Variants in LAMA2 observed in about 807,000 individuals in gnomAD.
LAMA2 encodes the protein laminin subunit alpha 2.
Under a neutral mutation model 364.8 loss-of-function variants are expected in LAMA2, and 269 were observed. That is an observed-to-expected ratio of 0.74 (90% CI 0.67 to 0.82). The LOEUF (loss-of-function observed/expected upper bound fraction) is 0.82. Among genes scored for constraint, LAMA2 ranks in the 40% least tolerant of loss-of-function variants. The pLI is 0.00. For missense variants in LAMA2, 3,807 were observed against 3,873.2 expected (o/e 0.98, Z 0.45); for synonymous variants, 1,379 against 1,370.6 (o/e 1.01, Z -0.14).
intron 10 of LAMA2, among the ~76,000 whole-genome samples, chr6:129,183,914 G>A (rs1781078197): frequency 6.6e-6 from 1 of 151,846 alleles, no homozygotes; most frequent in South Asian, 2.1e-4. Flanking sequence ...AAGAAGGAAG[G>A]AAGAGAACTA....
intron 59 of LAMA2, 142 bp downstream of exon 59, chr6:129,502,913 T>C: frequency 1.1e-6 from 1 of 871,392 alleles, no homozygotes; most frequent in South Asian, 1.4e-5. Context: ...GAGAATAGAA[T>C]TTTATTTGTC....
At chr6:129,197,409 C>A (rs1781914992) in intron 12 of LAMA2, among the ~76,000 whole-genome samples, 1 of 152,192 alleles carries the variant, frequency 6.6e-6, no homozygotes, top group African/African-American at 2.4e-5. Flanking sequence ...TTCAACTGTT[C>A]AGGCAGAATT....
intron 12 of LAMA2, among the ~76,000 whole-genome samples, chr6:129,197,729 A>C (rs961202602): frequency 6.6e-6 from 1 of 152,198 alleles, no homozygotes; most frequent in Non-Finnish European, 1.5e-5. Flanking sequence ...CAAATTGTTA[A>C]GGATAAATGA....
chr6:129,500,124 A>G (rs578056935), intron 58 of LAMA2, among the ~76,000 whole-genome samples: 1 of 152,186 alleles, frequency 6.6e-6, no homozygotes, highest in East Asian at 1.9e-4. Flanking sequence ...CCTTTAACCA[A>G]GCAAGGGGGA....
At chr6:129,275,810 C>T (rs1788281980) in intron 17 of LAMA2, among the ~76,000 whole-genome samples, 1 of 150,700 alleles carries the variant, frequency 6.6e-6, no homozygotes, top group Admixed American at 6.6e-5. Context: ...CATACTTTTT[C>T]AGTATAAAAG....
intron 3 of LAMA2, among the ~76,000 whole-genome samples, chr6:129,096,150 C>T (rs548104497): frequency 3.3e-5 from 5 of 152,230 alleles, no homozygotes; most frequent in South Asian, 2.1e-4. Flanking sequence ...AGACATTCTA[C>T]GTGATGAGTT....
intron 30 of LAMA2, among the ~76,000 whole-genome samples, chr6:129,348,455 A>T (rs912622197): frequency 3.9e-5 from 6 of 152,162 alleles, no homozygotes; most frequent in Non-Finnish European, 2.9e-5. Flanking sequence ...TTTCCAATGC[A>T]TCATTCAGTT....
At chr6:129,280,605 A>G (rs1788651464) in intron 18 of LAMA2, among the ~76,000 whole-genome samples, 2 of 152,316 alleles carry the variant, frequency 1.3e-5, no homozygotes, top group East Asian at 3.9e-4. Context: ...AATGTAATTT[A>G]TTATCATGAT....
At chr6:129,271,236 CCCTTCTTTTTAGAAAAATTCGTTGTTCA>C (rs1306373764) in intron 17 of LAMA2, among the ~76,000 whole-genome samples, 1 of 152,034 alleles carries the variant, frequency 6.6e-6, no homozygotes, top group Non-Finnish European at 1.5e-5. Flanking sequence ...CCCATTCTAT[CCCTTCTTTTTAGAAAAATTCGTTGTTCA>C]CCTAGAACAA....
intron 51 of LAMA2, among the ~76,000 whole-genome samples, chr6:129,471,947 A>T (rs1392116184): frequency 1.3e-5 from 2 of 151,966 alleles, no homozygotes; most frequent in Admixed American, 1.3e-4. Flanking sequence ...CTTCAAGGGA[A>T]TTTTGGAATT....
chr6:129,293,083 T>C (rs1789833282), intron 20 of LAMA2: 3 of 985,750 alleles, frequency 3.0e-6, no homozygotes, highest in African/African-American at 1.7e-5. Context: ...CCAGAGGCGC[T>C]GCATGGCTCA....
intron 4 of LAMA2, among the ~76,000 whole-genome samples, chr6:129,108,380 A>T (rs1447169174): frequency 6.6e-6 from 1 of 151,994 alleles, no homozygotes. Context: ...ATTACTTTTG[A>T]TCATTTTACT....
chr6:128,923,826 G>T (rs915766645), intron 1 of LAMA2, among the ~76,000 whole-genome samples: 1 of 152,120 alleles, frequency 6.6e-6, no homozygotes, highest in Admixed American at 6.5e-5. Context: ...TCCATCTGGT[G>T]ACTCAGGGTC....
chr6:129,443,801 C>T (rs1782234785), intron 44 of LAMA2, among the ~76,000 whole-genome samples: 1 of 151,988 alleles, frequency 6.6e-6, no homozygotes, highest in Non-Finnish European at 1.5e-5. Context: ...ACAAGAATAA[C>T]AAAATTTAAT....
At chr6:129,086,980 C>G (rs370432973) in intron 3 of LAMA2, among the ~76,000 whole-genome samples, 1 of 152,164 alleles carries the variant, frequency 6.6e-6, no homozygotes. Context: ...AGGTTGAATC[C>G]TTCGTTGTAC....
Position 129,147,040 on chromosome 6 carries a change from G to T in LAMA2, c.901G>T (p.Ala301Ser), listed in dbSNP as rs768302640. Reference sequence around the variant, plus strand: ...TGCCAGGGCTTGTCCACTTGATCCAGCGACAAATGTATGTATATTTATAGG... The same window carrying T: ...TGCCAGGGCTTGTCCACTTGATCCATCGACAAATGTATGTATATTTATAGG... ...GHARACPLDP[A>S]TNKSRCECEH... Residue 301 changes from alanine (A) to serine (S), a missense_variant, in exon 6 of 65, where the codon GCG (alanine) becomes TCG (serine). By Grantham distance (99) the Ala-to-Ser change is moderately conservative. Transcript: ENST00000421865. 1.3e-6 allele frequency: 2 copies of T among 1,599,374 alleles called. No homozygotes were observed. The highest frequency in any genetic ancestry group is 1.7e-6 in the Non-Finnish European group (2 of 1,166,744).
chr6:128,939,112 G>T (rs13197614), intron 1 of LAMA2, among the ~76,000 whole-genome samples: 10,642 of 152,044 alleles, frequency 0.07, 448 homozygotes, highest in South Asian at 0.12. Flanking sequence ...TCCAACTCAG[G>T]TTCACACGTT....
intron 5 of LAMA2, among the ~76,000 whole-genome samples, chr6:129,145,028 A>C (rs1042092462): frequency 1.3e-5 from 2 of 152,018 alleles, no homozygotes; most frequent in African/African-American, 2.4e-5. Context: ...CAATTCAGCC[A>C]TAACTCTATA....
At chr6:128,974,308 A>G (rs1782383709) in intron 1 of LAMA2, among the ~76,000 whole-genome samples, 7 of 152,172 alleles carry the variant, frequency 4.6e-5, no homozygotes, top group Admixed American at 4.6e-4. Flanking sequence ...AATTGCTAAA[A>G]TCCAATTTCC....
Sources: gnomAD v4.1 joint callset for allele counts (sites outside exome capture counted in the v4.1 genomes callset) on GRCh38, gnomAD v4.1.1 for gene constraint, MANE v1.5 for transcripts, NCBI Gene and HGNC (gene_info 2026-07-23, HGNC 2026-07-21) for gene names.